DNAJB6: variants seen among roughly 807,000 people sequenced by gnomAD.
The protein encoded by DNAJB6 is DnaJ heat shock protein family (Hsp40) member B6, also known as dnaJ homolog subfamily B member 6.
In DNAJB6, 16 loss-of-function variants were observed where a neutral mutation model predicts 42.7. The ratio of observed to expected loss-of-function variants is 0.37; its 90% CI spans 0.25 to 0.57. The LOEUF (loss-of-function observed/expected upper bound fraction) is 0.57. Ranked by LOEUF, DNAJB6 falls within the 20% of genes least tolerant of loss-of-function variation. DNAJB6 has a pLI of 0.74. For synonymous variants in DNAJB6, 170 were observed against 163.5 expected (o/e 1.04, Z -0.30); for missense variants, 347 against 416.8 (o/e 0.83, Z 1.46).
At chr7:157,386,979 T>C (rs947335226) in intron 8 of DNAJB6, among the ~76,000 whole-genome samples, 7 of 152,180 alleles carry the variant, frequency 4.6e-5, no homozygotes, top group Non-Finnish European at 8.8e-5. Flanking sequence ...GAATCCTAGC[T>C]GTAGTGAATA....
chr7:157,354,710 C>G (rs1799183067), intron 1 of DNAJB6, among the ~76,000 whole-genome samples: 1 of 152,078 alleles, frequency 6.6e-6, no homozygotes, highest in Non-Finnish European at 1.5e-5. Flanking sequence ...TGCTGTAGGT[C>G]AGGGTAAGGG....
intron 1 of DNAJB6, among the ~76,000 whole-genome samples, chr7:157,350,827 G>C (rs191154392): frequency 8.4e-4 from 126 of 149,262 alleles, no homozygotes; most frequent in South Asian, 3.2e-3. Context: ...GTCTTAGCTG[G>C]CGTTACAGGT....
intron 8 of DNAJB6, among the ~76,000 whole-genome samples, chr7:157,389,763 G>T (rs547212802): frequency 6.6e-6 from 1 of 152,194 alleles, no homozygotes; most frequent in South Asian, 2.1e-4. Context: ...AAATCTAGAC[G>T]TCACTGATTT....
intron 5 of DNAJB6, among the ~76,000 whole-genome samples, chr7:157,372,893 C>T (rs1299112199): frequency 2.6e-5 from 4 of 152,162 alleles, no homozygotes; most frequent in African/African-American, 9.7e-5. Context: ...ACGGATGGCC[C>T]ATCCGATGTT....
chr7:157,415,875 G>T (rs920959158), intron 9 of DNAJB6, 141 bp from the exon 10 acceptor site: 3 of 1,480,734 alleles, frequency 2.0e-6, no homozygotes, highest in East Asian at 4.6e-5. Flanking sequence ...CCCGTTTTGA[G>T]GTTTAGCTGT....
At chr7:157,339,676 G>C (rs768457997) in intron 1 of DNAJB6, 1 of 146,148 alleles carries the variant, frequency 6.8e-6, no homozygotes, top group Admixed American at 7.1e-5. Flanking sequence ...GCCCCTGCTG[G>C]AGTATAATGG....
intron 8 of DNAJB6, among the ~76,000 whole-genome samples, chr7:157,386,816 GGAC>G (rs902955387): frequency 5.3e-5 from 8 of 151,992 alleles, no homozygotes; most frequent in African/African-American, 1.9e-4. Flanking sequence ...CCCGGGAGGT[GGAC>G]GTTGCAGTGA....
intron 1 of DNAJB6, among the ~76,000 whole-genome samples, chr7:157,343,026 C>G (rs1457298711): frequency 6.6e-6 from 1 of 150,446 alleles, no homozygotes; most frequent in African/African-American, 2.5e-5. Flanking sequence ...AAGTCTCACT[C>G]TGTCACTTAG....
At chr7:157,384,772 C>A in intron 6 of DNAJB6, 95 bp from the exon 7 acceptor site, 1 of 1,256,026 alleles carries the variant, frequency 8.0e-7, no homozygotes. Context: ...TATGCCTTAA[C>A]ATTAAATATT....
chr7:157,341,000 G>GCGCGCGCTCA (rs778274297), intron 1 of DNAJB6, among the ~76,000 whole-genome samples: 4 of 147,538 alleles, frequency 2.7e-5, no homozygotes, highest in East Asian at 2.2e-4. Context: ...GTGTGTGTGC[G>GCGCGCGCTCA]CGCGCGCAGG....
intron 1 of DNAJB6, among the ~76,000 whole-genome samples, chr7:157,348,551 T>G (rs1798805258): frequency 6.6e-6 from 1 of 152,166 alleles, no homozygotes; most frequent in Admixed American, 6.6e-5. Flanking sequence ...TGCGCTTGGT[T>G]GCATTCCTGT....
At chr7:157,340,985 T>C (rs1341732650) in intron 1 of DNAJB6, among the ~76,000 whole-genome samples, 56 of 102,804 alleles carry the variant, frequency 5.4e-4, no homozygotes, top group Admixed American at 2.9e-3. Flanking sequence ...TGTGTGTGTG[T>C]GTGTGTGTGT....
At chr7:157,408,461 C>A (rs1219079319) in intron 8 of DNAJB6, among the ~76,000 whole-genome samples, 1 of 152,188 alleles carries the variant, frequency 6.6e-6, no homozygotes, top group African/African-American at 2.4e-5. Context: ...TCTGGGGACA[C>A]ACAGGCTCCA....
chr7:157,405,877 T>C (rs369930067), intron 8 of DNAJB6, among the ~76,000 whole-genome samples: 20 of 152,198 alleles, frequency 1.3e-4, no homozygotes, highest in African/African-American at 4.8e-4. Context: ...CACTTTCTCT[T>C]TTTCATTTTT....
chr7:157,339,044 GTTT>G (rs552646413), intron 1 of DNAJB6, among the ~76,000 whole-genome samples: 97 of 152,300 alleles, frequency 6.4e-4, no homozygotes, highest in East Asian at 3.7e-3. Flanking sequence ...CTGTAGGACA[GTTT>G]TTCCGGAACA....
At chr7:157,340,401 A>C (rs778770006) in intron 1 of DNAJB6, among the ~76,000 whole-genome samples, 19 of 152,338 alleles carry the variant, frequency 1.2e-4, no homozygotes, top group Middle Eastern at 3.4e-3. Context: ...ATTTGAGAAT[A>C]TCAAACTCAA....
intron 6 of DNAJB6, among the ~76,000 whole-genome samples, chr7:157,384,166 T>C (rs1800932531): frequency 2.0e-5 from 3 of 152,252 alleles, no homozygotes; most frequent in Non-Finnish European, 4.4e-5. Flanking sequence ...TTAGTGTGAC[T>C]TGTGAAAGTT....
chr7:157,396,320 G>T (rs1801582799), intron 8 of DNAJB6, among the ~76,000 whole-genome samples: 1 of 152,232 alleles, frequency 6.6e-6, no homozygotes, highest in South Asian at 2.1e-4. Flanking sequence ...AGCCTAACCA[G>T]GGAGCGGGGC....
At chr7:157,340,919 G>A (rs748542048) in intron 1 of DNAJB6, among the ~76,000 whole-genome samples, 9 of 151,826 alleles carry the variant, frequency 5.9e-5, no homozygotes, top group Non-Finnish European at 1.3e-4. Flanking sequence ...CCCTGCCTCC[G>A]CCTCCCAAAG....
Sources: gnomAD v4.1 joint callset for allele counts (sites outside exome capture counted in the v4.1 genomes callset) on GRCh38, gnomAD v4.1.1 for gene constraint, MANE v1.5 for transcripts, NCBI Gene and HGNC (gene_info 2026-07-23, HGNC 2026-07-21) for gene names.